The following NRXN3 variants were observed in gnomAD, a reference collection of about 807,000 sequenced individuals.
NRXN3 encodes the protein neurexin 3, also known as neurexin III.
In NRXN3, 32 loss-of-function variants were observed where a neutral mutation model predicts 137.6. The observed-to-expected ratio is 0.23, with a 90% CI of 0.18 to 0.31. The LOEUF is 0.31. Ranked by LOEUF, NRXN3 falls within the 10% of genes least tolerant of loss-of-function variation. The pLI is 1.00. For missense variants in NRXN3, 1,574 were observed against 2,062.5 expected, an observed-to-expected ratio of 0.76 and a Z score of 4.59; for synonymous variants, 798 against 784.5, an observed-to-expected ratio of 1.02 and a Z score of -0.29.
intron 15 of NRXN3, among the ~76,000 whole-genome samples, chr14:79,457,094 G>A (rs1366428414): frequency 6.6e-6 from 1 of 151,824 alleles, no homozygotes; most frequent in Non-Finnish European, 1.5e-5. Context: ...CCTAGCTTGG[G>A]TTAATTGATT....
At chr14:79,166,677 C>T (rs1264961890) in intron 15 of NRXN3, among the ~76,000 whole-genome samples, 2 of 151,332 alleles carry the variant, frequency 1.3e-5, no homozygotes, top group African/African-American at 4.9e-5. Context: ...CATAACTTTT[C>T]TTAGGAAGGA....
chr14:78,323,798 G>C (rs1039730813), intron 4 of NRXN3, among the ~76,000 whole-genome samples: 10 of 152,026 alleles, frequency 6.6e-5, no homozygotes, highest in African/African-American at 2.2e-4. Flanking sequence ...TGGGAGCCCA[G>C]TCCCAGGATC....
chr14:79,144,096 G>A (rs754390123), intron 15 of NRXN3, among the ~76,000 whole-genome samples: 8 of 152,160 alleles, frequency 5.3e-5, no homozygotes, highest in African/African-American at 7.2e-5. Context: ...CATCCGTCCC[G>A]TTGACAAAAG....
At position 79,657,180 on chromosome 14, in the gene NRXN3, T is replaced by C. The variant is rs150893630; in HGVS notation, c.3445-6598T>C. Among the ~76,000 whole-genome samples, 247 of 152,334 alleles carry C rather than the reference T, an allele frequency of 1.6e-3. 3 individuals are homozygous for C. The highest frequency in any genetic ancestry group is 5.5e-3 in the African/African-American group (227 of 41,574). Reference sequence around the variant, plus strand: ...GTATTACTGTTGCTCTTGTCTTCGTTATCGTTTTTCTAGACAAAGCTTGAG... The same window carrying C: ...GTATTACTGTTGCTCTTGTCTTCGTCATCGTTTTTCTAGACAAAGCTTGAG... On this transcript the variant is annotated intron_variant, in intron 16 of 20. Coordinates refer to ENST00000335750, the MANE Select transcript of NRXN3 (RefSeq NM_001330195.2).
At chr14:78,181,232 GT>G (rs1398064574) in intron 1 of NRXN3, among the ~76,000 whole-genome samples, 1 of 152,210 alleles carries the variant, frequency 6.6e-6, no homozygotes, top group Non-Finnish European at 1.5e-5. Context: ...TGCCTAGGGA[GT>G]TTTTACAAAA....
chr14:79,126,322 C>CT (rs2056448887), intron 15 of NRXN3, among the ~76,000 whole-genome samples: 1 of 148,204 alleles, frequency 6.7e-6, no homozygotes, highest in Admixed American at 6.7e-5. Flanking sequence ...CTATCCCTCC[C>CT]CCCCGCCCCA....
intron 4 of NRXN3, among the ~76,000 whole-genome samples, chr14:78,474,346 T>TG (rs1567694273): frequency 6.6e-6 from 1 of 152,182 alleles, no homozygotes; most frequent in Non-Finnish European, 1.5e-5. Flanking sequence ...GTCCCAGACC[T>TG]TATAGCAGAT....
chr14:78,774,932 A>G (rs1035566647), intron 8 of NRXN3, among the ~76,000 whole-genome samples: 12 of 152,116 alleles, frequency 7.9e-5, no homozygotes, highest in Admixed American at 7.9e-4. Flanking sequence ...CTAAAAAAAA[A>G]GAATAAAAAA....
At chr14:78,354,203 G>A (rs1400596833) in intron 4 of NRXN3, among the ~76,000 whole-genome samples, 1 of 152,212 alleles carries the variant, frequency 6.6e-6, no homozygotes, top group Non-Finnish European at 1.5e-5. Context: ...AAAGGTGGAA[G>A]CCTCTGTAGA....
intron 4 of NRXN3, among the ~76,000 whole-genome samples, chr14:78,597,799 A>G (rs905613489): frequency 2.6e-5 from 4 of 152,216 alleles, no homozygotes; most frequent in East Asian, 1.9e-4. Context: ...TCATGAAGAC[A>G]TATAAACAGT....
chr14:79,763,314 A>G (rs529916737), intron 19 of NRXN3, among the ~76,000 whole-genome samples: 1 of 151,870 alleles, frequency 6.6e-6, no homozygotes, highest in Admixed American at 6.5e-5. Flanking sequence ...TGTTGTGAAT[A>G]GTGCTGCAAT....
chr14:79,845,281 A>G (rs955549590), intron 20 of NRXN3, among the ~76,000 whole-genome samples: 4 of 152,250 alleles, frequency 2.6e-5, no homozygotes, highest in Non-Finnish European at 5.9e-5. Context: ...TTACTGGAAC[A>G]ACAATTTTAA....
At chr14:78,828,172 T>C (rs773429571) in intron 10 of NRXN3, among the ~76,000 whole-genome samples, 1 of 152,192 alleles carries the variant, frequency 6.6e-6, no homozygotes, top group Non-Finnish European at 1.5e-5. Flanking sequence ...ATATTATCGA[T>C]CCAAGTGCTA....
At chr14:79,837,584 G>A (rs941282598) in intron 20 of NRXN3, among the ~76,000 whole-genome samples, 13 of 152,198 alleles carry the variant, frequency 8.5e-5, no homozygotes, top group Admixed American at 5.2e-4. Flanking sequence ...TTTCTCCATC[G>A]TGGGTTTTTC....
chr14:79,854,158 C>T (rs985859771), intron 20 of NRXN3: 1 of 982,476 alleles, frequency 1.0e-6, no homozygotes, highest in Non-Finnish European at 1.2e-6. Context: ...AGCATTCTTA[C>T]ACAACTTTCT....
At chr14:78,378,826 C>CA (rs1387261621) in intron 4 of NRXN3, among the ~76,000 whole-genome samples, 1 of 151,964 alleles carries the variant, frequency 6.6e-6, no homozygotes, top group Non-Finnish European at 1.5e-5. Context: ...CCTAGAACAT[C>CA]AATGAAACAA....
chr14:78,782,667 G>A (rs1355324421), intron 8 of NRXN3, among the ~76,000 whole-genome samples: 1 of 152,188 alleles, frequency 6.6e-6, no homozygotes, highest in Non-Finnish European at 1.5e-5. Context: ...TGAATGAATG[G>A]ATGAGGAATG....
At chr14:79,382,313 C>A (rs535182382) in intron 15 of NRXN3, among the ~76,000 whole-genome samples, 3 of 152,234 alleles carry the variant, frequency 2.0e-5, no homozygotes, top group South Asian at 4.1e-4. Context: ...TACAAAGATA[C>A]CTTGCAAGAA....
At chr14:78,741,728 T>C (rs2098575185) in intron 8 of NRXN3, among the ~76,000 whole-genome samples, 1 of 152,202 alleles carries the variant, frequency 6.6e-6, no homozygotes, top group Admixed American at 6.5e-5. Flanking sequence ...TACGGTATTG[T>C]TAACCAAAGG....
Sources: gnomAD v4.1 joint callset for allele counts (sites outside exome capture counted in the v4.1 genomes callset) on GRCh38, gnomAD v4.1.1 for gene constraint, MANE v1.5 for transcripts, NCBI Gene and HGNC (gene_info 2026-07-23, HGNC 2026-07-21) for gene names.